The following MAGI2 variants were observed in gnomAD, a reference collection of about 807,000 sequenced individuals.
MAGI2 encodes membrane associated guanylate kinase, WW and PDZ domain containing 2, also known as membrane-associated guanylate kinase, WW and PDZ domain-containing protein 2.
A neutral mutation model predicts 133.3 loss-of-function variants in MAGI2; 35 were observed. That is an observed-to-expected ratio of 0.26 (90% CI 0.20 to 0.35). The LOEUF (loss-of-function observed/expected upper bound fraction) is 0.35. Ranked by LOEUF, MAGI2 falls within the 10% of genes least tolerant of loss-of-function variation. The pLI is 1.00. For missense variants in MAGI2, 1,636 were observed against 1,863.4 expected (o/e 0.88, Z 2.25); for synonymous variants, 729 against 710.6 (o/e 1.03, Z -0.41).
chr7:78,824,302 T>C (rs1409550050), intron 2 of MAGI2, among the ~76,000 whole-genome samples: 1 of 152,196 alleles, frequency 6.6e-6, no homozygotes, highest in Admixed American at 6.5e-5. Flanking sequence ...AGTAATGAGA[T>C]TGCTGGGTCA....
chr7:78,368,487 G>A (rs1358921028), intron 7 of MAGI2, among the ~76,000 whole-genome samples: 3 of 152,138 alleles, frequency 2.0e-5, no homozygotes, highest in African/African-American at 7.2e-5. Flanking sequence ...ACAATCGTCT[G>A]TTTGGAGAGA....
chr7:79,066,855 T>C (rs1584840075), intron 1 of MAGI2, among the ~76,000 whole-genome samples: 2 of 152,192 alleles, frequency 1.3e-5, no homozygotes, highest in South Asian at 4.1e-4. Context: ...ACACCATTCA[T>C]TAAATAGGGA....
At chr7:78,810,777 T>A (rs1788977570) in intron 2 of MAGI2, among the ~76,000 whole-genome samples, 1 of 152,080 alleles carries the variant, frequency 6.6e-6, no homozygotes, top group African/African-American at 2.4e-5. Flanking sequence ...GAATTGTCTG[T>A]TTCTTTCTAT....
At chr7:78,634,563 G>C (rs932811278) in intron 2 of MAGI2, among the ~76,000 whole-genome samples, 1 of 152,144 alleles carries the variant, frequency 6.6e-6, no homozygotes, top group Admixed American at 6.5e-5. Flanking sequence ...GATATGAAAT[G>C]AAGTGTTGTA....
At chr7:78,752,992 A>C (rs1823594929) in intron 2 of MAGI2, among the ~76,000 whole-genome samples, 1 of 152,258 alleles carries the variant, frequency 6.6e-6, no homozygotes, top group Admixed American at 6.5e-5. Context: ...CATGTCACTC[A>C]TTTAGAAATT....
At chr7:79,119,923 C>T (rs943799793) in intron 1 of MAGI2, among the ~76,000 whole-genome samples, 17 of 152,046 alleles carry the variant, frequency 1.1e-4, no homozygotes, top group Admixed American at 3.9e-4. Context: ...AGAGCATTAA[C>T]GATAAGGTAA....
intron 2 of MAGI2, among the ~76,000 whole-genome samples, chr7:78,648,354 C>G (rs1273466484): frequency 2.6e-5 from 4 of 152,126 alleles, no homozygotes; most frequent in Non-Finnish European, 4.4e-5. Flanking sequence ...ATGCTCAGTA[C>G]GTTGCAGTAA....
chr7:78,585,045 G>T (rs1323429759), intron 3 of MAGI2, among the ~76,000 whole-genome samples: 1 of 152,168 alleles, frequency 6.6e-6, no homozygotes, highest in Non-Finnish European at 1.5e-5. Flanking sequence ...GGCTACTCAG[G>T]ATACTATTTT....
chr7:79,318,755 G>A (rs540020486), intron 1 of MAGI2, among the ~76,000 whole-genome samples: 3 of 152,148 alleles, frequency 2.0e-5, no homozygotes, highest in African/African-American at 7.2e-5. Flanking sequence ...ACACGACGTT[G>A]AAAAAATAAT....
intron 3 of MAGI2, among the ~76,000 whole-genome samples, chr7:78,556,676 T>C (rs1254365269): frequency 6.6e-6 from 1 of 152,180 alleles, no homozygotes. Flanking sequence ...ATTGTCTAAG[T>C]ATCTTCACAT....
intron 1 of MAGI2, among the ~76,000 whole-genome samples, chr7:79,138,548 G>A (rs890041301): frequency 6.6e-6 from 1 of 152,146 alleles, no homozygotes; most frequent in African/African-American, 2.4e-5. Context: ...TTGAACAATG[G>A]CTTTCTATTT....
At chr7:78,168,248 C>T in intron 14 of MAGI2, 140 bp from the exon 15 acceptor site, 1 of 651,036 alleles carries the variant, frequency 1.5e-6, no homozygotes, top group Non-Finnish European at 2.6e-6. Flanking sequence ...CTCTGCCTCC[C>T]AGGTTCACGC....
At chr7:79,407,778 A>G (rs1204355325) in intron 1 of MAGI2, among the ~76,000 whole-genome samples, 1 of 152,082 alleles carries the variant, frequency 6.6e-6, no homozygotes, top group African/African-American at 2.4e-5. Flanking sequence ...TTCTTGTGAG[A>G]GCAATATATT....
intron 4 of MAGI2, among the ~76,000 whole-genome samples, chr7:78,508,002 T>C (rs1795238787): frequency 6.6e-6 from 1 of 152,222 alleles, no homozygotes; most frequent in Non-Finnish European, 1.5e-5. Flanking sequence ...CTGGAGGCAC[T>C]ATGGAAGGAT....
At chr7:78,900,103 T>C (rs1013858398) in intron 2 of MAGI2, among the ~76,000 whole-genome samples, 2 of 152,140 alleles carry the variant, frequency 1.3e-5, no homozygotes, top group African/African-American at 4.8e-5. Flanking sequence ...GTGTGCACAA[T>C]TTAGTTAAAG....
chr7:78,430,787 G>A (rs1239189901), intron 6 of MAGI2, among the ~76,000 whole-genome samples: 1 of 151,946 alleles, frequency 6.6e-6, no homozygotes, highest in Admixed American at 6.6e-5. Flanking sequence ...TTAGGCCTTC[G>A]AGTTTGCTGT....
At chr7:79,225,201 A>C (rs1830746263) in intron 1 of MAGI2, among the ~76,000 whole-genome samples, 1 of 152,204 alleles carries the variant, frequency 6.6e-6, no homozygotes, top group Non-Finnish European at 1.5e-5. Flanking sequence ...CTCTTATGAT[A>C]CATAAAATAT....
chr7:78,785,115 A>G (rs904993722), intron 2 of MAGI2, among the ~76,000 whole-genome samples: 1 of 152,228 alleles, frequency 6.6e-6, no homozygotes, highest in African/African-American at 2.4e-5. Context: ...AAACGAAACA[A>G]TAAAGTTATC....
chr7:78,671,139 T>C (rs1176187831), intron 2 of MAGI2, among the ~76,000 whole-genome samples: 1 of 152,168 alleles, frequency 6.6e-6, no homozygotes, highest in Non-Finnish European at 1.5e-5. Context: ...TTACTTAATT[T>C]GCTTTCTGTT....
Sources: gnomAD v4.1 joint callset for allele counts (sites outside exome capture counted in the v4.1 genomes callset) on GRCh38, gnomAD v4.1.1 for gene constraint, MANE v1.5 for transcripts, NCBI Gene and HGNC (gene_info 2026-07-23, HGNC 2026-07-21) for gene names.